Variants in OTOG observed in about 807,000 individuals in gnomAD.
The protein encoded by OTOG is otogelin.
In OTOG, 296 loss-of-function variants were observed where a neutral mutation model predicts 313.8. That is an observed-to-expected ratio of 0.94 (90% CI 0.86 to 1.04). The LOEUF (loss-of-function observed/expected upper bound fraction) is 1.04. OTOG is among the 50% of genes least tolerant of loss of function. The probability of loss-of-function intolerance (pLI) is 0.00; values close to 1 mark genes in which losing one functional copy is unlikely to be tolerated. For missense variants in OTOG, 3,948 were observed against 3,840.1 expected, an observed-to-expected ratio of 1.03 and a Z score of -0.74; for synonymous variants, 1,533 against 1,554.9, an observed-to-expected ratio of 0.99 and a Z score of 0.33.
intron 32 of OTOG, among the ~76,000 whole-genome samples, chr11:17,604,442 G>A (rs534408344): frequency 8.3e-4 from 127 of 152,292 alleles, no homozygotes; most frequent in African/African-American, 2.9e-3. Context: ...CCATGCCCAC[G>A]CCTGCATCCC....
At chr11:17,563,238 A>G (rs927859930) in intron 15 of OTOG, among the ~76,000 whole-genome samples, 2 of 152,226 alleles carry the variant, frequency 1.3e-5, no homozygotes, top group Admixed American at 1.3e-4. Flanking sequence ...TGGAAGCCCC[A>G]GTCTGGGCTG....
At position 17,609,160 on chromosome 11, in the gene OTOG, C is replaced by A; in HGVS notation, c.4305C>A (p.Thr1435=). The A allele has an allele frequency of 6.4e-7, 1 of 1,550,496 alleles. No homozygotes were observed. The change falls in exon 35 of 56, where the codon ACC becomes ACA. Residue 1435 remains threonine, a synonymous_variant. Transcript: ENST00000399397. The part of the protein sequence containing the change: ...RVEGCVPVCP[T]PQVLDEVTQR... ...AAGGCTGTGTCCCTGTGTGCCCCAC[C>A]CCCCAGGTCCTGGATGAAGTCACAC... is the stretch of plus-strand genomic sequence containing the variant.
intron 9 of OTOG, 92 bp from the exon 10 acceptor site, chr11:17,558,446 C>G: frequency 6.6e-7 from 1 of 1,522,036 alleles, no homozygotes; most frequent in Non-Finnish European, 8.9e-7. Flanking sequence ...CTGCCTTCCT[C>G]TCCCTCTCCC....
chr11:17,635,568 T>C lies in OTOG; in HGVS notation c.7694-42T>C, dbSNP rs758077251. On this transcript the variant is annotated intron_variant, in intron 46 of 55. Coordinates refer to ENST00000399397, the MANE Select transcript of OTOG (RefSeq NM_001292063.2). The stretch of plus-strand genomic sequence containing the variant: ...CAACGTGCTGTGTGCCAGGCCCCTA[T>C]GAGAGGACTGCTGTGACAGCATTGA... 35 of 1,477,018 alleles carry C rather than the reference T, an allele frequency of 2.4e-5. No individual in the cohort carries two copies. The East Asian group carries it at 7.6e-4, about 32-fold the overall frequency. 91.5% of individuals were successfully genotyped at this position (1,477,018 alleles called of 1,614,324 possible). A position where few individuals can be genotyped will look rare whatever the true frequency, so the allele number is the denominator to read the frequency against.
rs1469068810 is a variant in OTOG at position 17,611,073 on chromosome 11, G to C, written c.5773G>C (p.Gly1925Arg). ...AGTGTCTCTGCCCACTTCCATGTAT[G>C]GTTCTGCAGAGGGTGGGCCCACAGA... ...KQVSLPTSMY[G>R]SAEGGPTELT... Residue 1925 changes from glycine to arginine, a missense_variant, in exon 36 of 56, where the codon GGT becomes CGT. Transcript: ENST00000399397. 26 of 1,550,512 alleles carry C rather than the reference G, an allele frequency of 1.7e-5. No individual in the cohort carries two copies. Among genetic ancestry groups the C allele is most frequent in the Middle Eastern group, 1.7e-4 (1 of 6,014 alleles).
In OTOG at chr11:17,559,086, C is replaced by T; in HGVS notation, c.1138C>T (p.Leu380=). ...TGATGTAGCCACCTGGTGCCGGGCACTGGCGGAGTATGCCCGGGCGTGTGC... is the reference window on the plus strand; with the variant it reads ...TGATGTAGCCACCTGGTGCCGGGCATTGGCGGAGTATGCCCGGGCGTGTGC... ...MGDVATWCRA[L]AEYARACAQA... The change falls in exon 11 of 56, where the codon CTG becomes TTG. Residue 380 remains leucine (L), a synonymous_variant. Transcript: ENST00000399397. 1 of 1,547,440 alleles carries T rather than the reference C, an allele frequency of 6.5e-7. No homozygotes were observed.
At chr11:17,571,322 G>A (rs1304450436) in intron 17 of OTOG, among the ~76,000 whole-genome samples, 1 of 152,206 alleles carries the variant, frequency 6.6e-6, no homozygotes, top group South Asian at 2.1e-4. Context: ...TAGGAATATT[G>A]CCCTACATAA....
intron 42 of OTOG, among the ~76,000 whole-genome samples, chr11:17,632,552 G>A (rs1354294921): frequency 6.6e-6 from 1 of 151,946 alleles, no homozygotes; most frequent in African/African-American, 2.4e-5. Flanking sequence ...CATCGCCCCC[G>A]CCCAGGGTGG....
intron 40 of OTOG, among the ~76,000 whole-genome samples, chr11:17,630,789 C>T (rs1854104114): frequency 6.6e-6 from 1 of 152,168 alleles, no homozygotes; most frequent in Admixed American, 6.5e-5. Flanking sequence ...GCAGCTTGAG[C>T]AAAGTTGTGG....
chr11:17,610,707 C>T lies in OTOG; in HGVS notation c.5407C>T (p.Pro1803Ser). Reference sequence around the variant, plus strand: ...TCCCTCCCAGCTCCTCTCTGGCCTGCCTCCCGACACCAGCCTGCCCCTGGC... The same window carrying T: ...TCCCTCCCAGCTCCTCTCTGGCCTGTCTCCCGACACCAGCCTGCCCCTGGC... ...TRPSQLLSGL[P>S]PDTSLPLAKV... Residue 1803 changes from proline to serine, a missense_variant, in exon 36 of 56, where the codon CCT becomes TCT. Physicochemically the swap from Pro to Ser is moderately conservative, Grantham distance 74 (BLOSUM62 -1). Transcript: ENST00000399397. The T allele has an allele frequency of 6.5e-7, 1 of 1,550,336 alleles. No individual in the cohort carries two copies. The highest frequency in any genetic ancestry group is 8.7e-7 in the Non-Finnish European group (1 of 1,147,012).
chr11:17,640,459 C>A (rs1847945537), intron 49 of OTOG, among the ~76,000 whole-genome samples: 1 of 152,218 alleles, frequency 6.6e-6, no homozygotes, highest in Admixed American at 6.5e-5. Context: ...CCCCCATTTC[C>A]TCCCTCCTTA....
chr11:17,561,642 G>A lies in OTOG; in HGVS notation c.1499-20G>A, dbSNP rs1030810170. ...CCTGGGGCGGCTCCCATGGGTCAGT[G>A]GCCTTTTTCTACCTCTCAGCTGAGT... On this transcript the variant is annotated intron_variant, in intron 14 of 55. Coordinates refer to ENST00000399397, the MANE Select transcript of OTOG (RefSeq NM_001292063.2). The A allele has an allele frequency of 1.9e-6, 3 of 1,550,382 alleles. No individual in the cohort carries two copies. In the African/African-American group the frequency reaches 4.1e-5, roughly 21 times the overall value.
intron 3 of OTOG, among the ~76,000 whole-genome samples, chr11:17,549,526 C>T (rs1421115093): frequency 6.6e-6 from 1 of 152,116 alleles, no homozygotes; most frequent in Non-Finnish European, 1.5e-5. Flanking sequence ...GTATTGGAGT[C>T]ATTTTTTTGT....
chr11:17,642,733 C>A (rs1848001774), intron 53 of OTOG, among the ~76,000 whole-genome samples: 1 of 152,144 alleles, frequency 6.6e-6, no homozygotes, highest in African/African-American at 2.4e-5. Flanking sequence ...AAAAGGATTT[C>A]CTGGAAGGCT....
Position 17,561,073 on chromosome 11 carries a change from T to A in OTOG, c.1452-18T>A, listed in dbSNP as rs1265523464. On this transcript the variant is annotated intron_variant, in intron 13 of 55. Transcript: ENST00000399397. ...CCTGGAGGGGTGACCTCTTGCCTCCTTGGTCTCTGTGTTTTAGCACATGCA... is the reference window on the plus strand; with the variant it reads ...CCTGGAGGGGTGACCTCTTGCCTCCATGGTCTCTGTGTTTTAGCACATGCA... 1 of 1,550,568 alleles carries A rather than the reference T, an allele frequency of 6.4e-7. No individual in the cohort carries two copies. The highest frequency in any genetic ancestry group is 2.0e-5 in the Admixed American group (1 of 51,006).
intron 10 of OTOG, 38 bp downstream of exon 10, chr11:17,558,682 G>C: frequency 2.0e-6 from 3 of 1,528,772 alleles, no homozygotes; most frequent in Non-Finnish European, 2.6e-6. Context: ...GAACCCTCTA[G>C]TATTGGGGTG....
chr11:17,605,657 G>A (rs1478835051), intron 32 of OTOG, among the ~76,000 whole-genome samples, 200 bp from the exon 33 acceptor site: 1 of 152,068 alleles, frequency 6.6e-6, no homozygotes, highest in African/African-American at 2.4e-5. Flanking sequence ...GCCTCCGCTC[G>A]CCCTCAGGCA....
At chr11:17,621,557 C>A (rs1414520487) in intron 39 of OTOG, among the ~76,000 whole-genome samples, 1 of 152,102 alleles carries the variant, frequency 6.6e-6, no homozygotes, top group Non-Finnish European at 1.5e-5. Flanking sequence ...AGGACAGGGT[C>A]AGGACAGGGT....
chr11:17,573,035 A>G (rs1852437988), intron 18 of OTOG, 43 bp from the exon 19 acceptor site: 1 of 1,482,764 alleles, frequency 6.7e-7, no homozygotes, highest in African/African-American at 1.4e-5. Flanking sequence ...CACCAGGTAG[A>G]CCGACTCCCC....
Sources: allele counts gnomAD v4.1 joint callset (sites outside exome capture counted in the v4.1 genomes callset), GRCh38; gene constraint gnomAD v4.1.1; transcripts MANE v1.5; gene names NCBI Gene and HGNC (gene_info 2026-07-23, HGNC 2026-07-21).